Variants in RMDN1 observed in about 807,000 individuals in gnomAD.
RMDN1 encodes the protein regulator of microtubule dynamics protein 1.
Under a neutral mutation model 48.9 loss-of-function variants are expected in RMDN1, and 48 were observed. The ratio of observed to expected loss-of-function variants is 0.98; its 90% CI spans 0.78 to 1.25. RMDN1 has a LOEUF of 1.25. Ranked by LOEUF, RMDN1 falls within the 50% of genes most tolerant of loss-of-function variation. The pLI is 0.00. For missense variants in RMDN1, 418 were observed against 373.4 expected (o/e 1.12, Z -0.98); for synonymous variants, 148 against 132.6 (o/e 1.12, Z -0.80).
At chr8:86,478,859 C>G in intron 7 of RMDN1, 64 bp downstream of exon 7, 1 of 1,280,218 alleles carries the variant, frequency 7.8e-7, no homozygotes, top group Non-Finnish European at 1.1e-6. Context: ...CATGTGTGAA[C>G]ACATGGTAGA....
chr8:86,470,302 T>C (rs1323269472), downstream of RMDN1: 1 of 1,289,366 alleles, frequency 7.8e-7, no homozygotes, highest in Non-Finnish European at 1.0e-6. Flanking sequence ...AGGTGGGGGC[T>C]GCACGGGAAG....
rs1238782595 is a variant in RMDN1 at position 86,478,909 on chromosome 8, G to A, written c.729+14C>T. The A allele has an allele frequency of 1.3e-6, 2 of 1,596,576 alleles. No individual in the cohort carries two copies. The highest frequency in any genetic ancestry group is 1.7e-6 in the Non-Finnish European group (2 of 1,164,186). On this transcript the variant is annotated intron_variant, in intron 7 of 9. Transcript: ENST00000406452. Reference sequence around the variant, plus strand: ...AAGAAATCCGTACTAACTTAACAAAGGACATCATACTACCTTCTCATAGGT... The same window carrying A: ...AAGAAATCCGTACTAACTTAACAAAAGACATCATACTACCTTCTCATAGGT...
chr8:86,475,459 G>GT (rs941207902), intron 8 of RMDN1, among the ~76,000 whole-genome samples: 45 of 151,658 alleles, frequency 3.0e-4, no homozygotes, highest in African/African-American at 1.0e-3. Context: ...CAAAACCTCT[G>GT]TTTTTTTCAA....
At chr8:86,505,523 ATTAAC>A in intron 2 of RMDN1, 1 of 305,552 alleles carries the variant, frequency 3.3e-6, no homozygotes, top group Admixed American at 3.5e-5. Flanking sequence ...TACAAGGCAA[ATTAAC>A]TTGAGTTTTA....
Position 86,474,113 on chromosome 8 carries a change from T to G in RMDN1, c.*195A>C. Reference sequence around the variant, plus strand: ...TCTTTGCCTGAGCCATGGAGATTTATTTCTACCACTCTTATGGCGATTATT... The same window carrying G: ...TCTTTGCCTGAGCCATGGAGATTTAGTTCTACCACTCTTATGGCGATTATT... On this transcript the variant is annotated 3_prime_UTR_variant, in exon 10 of 10. Coordinates refer to ENST00000406452, the MANE Select transcript of RMDN1 (RefSeq NM_016033.3). 1 of 1,306,582 alleles carries G rather than the reference T, an allele frequency of 7.7e-7. No individual in the cohort carries two copies. 80.9% of individuals were successfully genotyped at this position (1,306,582 alleles called of 1,614,324 possible).
intron 2 of RMDN1, chr8:86,504,517 C>T (rs369669024): frequency 2.2e-5 from 33 of 1,468,842 alleles, no homozygotes; most frequent in African/African-American, 9.7e-5. Context: ...CATTGGTGCA[C>T]GTGTGTTTAA....
chr8:86,474,254 TAAAAG>T lies in RMDN1; in HGVS notation c.*49_*53del, dbSNP rs909879475. ...ATAGTTCATATATTAAGTTTAGAATTAAAAGAAAAGGCAATGTTTATTAGCTATTT... is the reference window on the plus strand; with the variant it reads ...ATAGTTCATATATTAAGTTTAGAATTAAAAGGCAATGTTTATTAGCTATTT... On this transcript the variant is annotated 3_prime_UTR_variant, in exon 10 of 10. Coordinates refer to ENST00000406452, the MANE Select transcript of RMDN1 (RefSeq NM_016033.3). 73 of 1,607,348 alleles carry T rather than the reference TAAAAG, an allele frequency of 4.5e-5. No homozygotes were observed. The highest frequency in any genetic ancestry group is 8.9e-5 in the East Asian group (4 of 44,724).
chr8:86,509,379 A>T (rs973093580), upstream of RMDN1, among the ~76,000 whole-genome samples: 5 of 152,152 alleles, frequency 3.3e-5, no homozygotes, highest in African/African-American at 4.8e-5. Context: ...TACTCGAGTA[A>T]AATAAAATTT....
In RMDN1 at chr8:86,503,939, C is replaced by T. The variant is rs1470095240; in HGVS notation, c.247+3056G>A. 5 of 746,848 alleles carry T rather than the reference C, an allele frequency of 6.7e-6. No homozygotes were observed. The East Asian group carries it at 1.3e-4, about 19-fold the overall frequency. 46.3% of individuals were successfully genotyped at this position (746,848 alleles called of 1,614,324 possible). On this transcript the variant is annotated intron_variant, in intron 2 of 9. Coordinates refer to ENST00000406452, the MANE Select transcript of RMDN1 (RefSeq NM_016033.3). ...GCAGCTGAGTTGGTTGAAATGCTGA[C>T]CCTGGGCTGCTTGGTTATTGGCCTC...
rs1310112289 is a variant in RMDN1, at chr8:86,486,638, T to C, written c.341A>G (p.Asp114Gly). The change falls in exon 4 of 10, where the codon GAT becomes GGT. Residue 114 changes from aspartate to glycine, a missense_variant. Asp to Gly is a moderately conservative substitution (Grantham distance 94). Transcript: ENST00000406452. ...TGCCAAACGCCACAGTAACTCTGCA[T>C]CTTCACTAATTTGAAATAAAATATA... ...QLLTQYKESE[D>G]AELLWRLARA... 6.3e-7 allele frequency: 1 copy of C among 1,581,812 alleles called. No individual in the cohort carries two copies. The highest frequency in any genetic ancestry group is 1.2e-5 in the South Asian group (1 of 85,868).
rs746191895 is a variant in RMDN1, at chr8:86,486,683, C to T, written c.336-40G>A. 6 of 1,513,160 alleles carry T rather than the reference C, an allele frequency of 4.0e-6. No individual in the cohort carries two copies. In the South Asian group the frequency reaches 8.1e-5, roughly 20 times the overall value. The allele number at this position is 1,513,160 out of a possible 1,614,324, so 93.7% of individuals were successfully genotyped here. A position where few individuals can be genotyped will look rare whatever the true frequency, so the allele number is the denominator to read the frequency against. On this transcript the variant is annotated intron_variant, in intron 3 of 9. Transcript: ENST00000406452. Reference sequence around the variant, plus strand: ...AATATAAAACAACCATTTTAGCTCACATTTAAAAATTGTTAAGGGTTACAT... The same window carrying T: ...AATATAAAACAACCATTTTAGCTCATATTTAAAAATTGTTAAGGGTTACAT...
chr8:86,474,510 T>C, intron 9 of RMDN1, 152 bp from the exon 10 acceptor site: 1 of 698,212 alleles, frequency 1.4e-6, no homozygotes, highest in South Asian at 1.7e-5. Flanking sequence ...CAGATGAGAC[T>C]CTCAGCTCTT....
At chr8:86,513,854 CT>C (rs377128309) in intron 1 of RMDN1, among the ~76,000 whole-genome samples, 1,703 of 143,170 alleles carry the variant, frequency 0.012, 25 homozygotes, top group Admixed American at 0.049. Flanking sequence ...GTCTTGGTAA[CT>C]TTTTTTTTTT....
At chr8:86,506,340 G>A (rs1363202933) in intron 2 of RMDN1, among the ~76,000 whole-genome samples, 2 of 152,028 alleles carry the variant, frequency 1.3e-5, no homozygotes, top group Non-Finnish European at 2.9e-5. Context: ...ATTTTTTTCT[G>A]AACGATTATT....
At chr8:86,499,478 A>C (rs934830951) in intron 2 of RMDN1, among the ~76,000 whole-genome samples, 4 of 152,192 alleles carry the variant, frequency 2.6e-5, no homozygotes, top group Non-Finnish European at 5.9e-5. Flanking sequence ...GAGCCACAAA[A>C]ATAATAAAAT....
chr8:86,479,916 C>A (rs1329603506), intron 6 of RMDN1, among the ~76,000 whole-genome samples: 2 of 152,116 alleles, frequency 1.3e-5, no homozygotes, highest in Non-Finnish European at 2.9e-5. Flanking sequence ...TATGGTTCCT[C>A]AGATTAATCA....
chr8:86,503,390 C>CAAAAAAA (rs1405705068), intron 2 of RMDN1, among the ~76,000 whole-genome samples: 2 of 56,588 alleles, frequency 3.5e-5, no homozygotes, highest in African/African-American at 6.6e-5. Context: ...AAAAAAAAAA[C>CAAAAAAA]AAAAAAAAAT....
chr8:86,503,385 A>AAAC (rs1818686330), intron 2 of RMDN1, among the ~76,000 whole-genome samples: 3 of 81,094 alleles, frequency 3.7e-5, no homozygotes, highest in Non-Finnish European at 4.6e-5. Context: ...AAAAAAAAAA[A>AAAC]AAAACAAAAA....
At chr8:86,496,705 C>T (rs773708807) in intron 2 of RMDN1, among the ~76,000 whole-genome samples, 14 of 152,192 alleles carry the variant, frequency 9.2e-5, no homozygotes, top group Non-Finnish European at 1.9e-4. Flanking sequence ...GAGACTTCAA[C>T]ACTCCATTGA....
Sources: allele counts gnomAD v4.1 joint callset (sites outside exome capture counted in the v4.1 genomes callset), GRCh38; gene constraint gnomAD v4.1.1; transcripts MANE v1.5; gene names NCBI Gene and HGNC (gene_info 2026-07-23, HGNC 2026-07-21).